Variants in NECTIN2 observed in about 807,000 individuals in gnomAD.
The protein encoded by NECTIN2 is nectin cell adhesion molecule 2, also known as nectin-2.
In NECTIN2, 23 loss-of-function variants were observed where a neutral mutation model predicts 56.9. The ratio of observed to expected loss-of-function variants is 0.40; its 90% confidence interval spans 0.29 to 0.57. NECTIN2 has a LOEUF of 0.57. Among genes scored for constraint, NECTIN2 ranks in the 20% least tolerant of loss-of-function variants. The pLI, the probability that NECTIN2 is intolerant of heterozygous loss-of-function variation, is 0.38. For synonymous variants in NECTIN2, 302 were observed against 313.8 expected (o/e 0.96, Z 0.40); for missense variants, 587 against 718.3 (o/e 0.82, Z 2.09).
chr19:44,889,205 A>C lies in NECTIN2; in HGVS notation c.*826A>C, dbSNP rs1969393769. ...TTTTGTAAACTACATTTCCTACAAAATATGAATTTATACTTTGACCAGGTC... is the reference window on the plus strand; with the variant it reads ...TTTTGTAAACTACATTTCCTACAAACTATGAATTTATACTTTGACCAGGTC... On this transcript the variant is annotated 3_prime_UTR_variant, in exon 9 of 9. Transcript: ENST00000252483. The C allele has an allele frequency of 6.6e-6, 1 of 152,264 alleles. No homozygotes were observed. The highest frequency in any genetic ancestry group is 1.5e-5 in the Non-Finnish European group (1 of 68,050). 9.4% of individuals were successfully genotyped at this position (152,264 alleles called of 1,614,324 possible). A position where few individuals can be genotyped will look rare whatever the true frequency, so the allele number is the denominator to read the frequency against.
At chr19:44,876,373 A>C (rs1331573069) in intron 5 of NECTIN2, among the ~76,000 whole-genome samples, 14 of 152,160 alleles carry the variant, frequency 9.2e-5, no homozygotes, top group Non-Finnish European at 1.6e-4. Flanking sequence ...GAGCCTGCAG[A>C]ACACAGACGC....
chr19:44,864,764 C>T (rs1290374699), intron 1 of NECTIN2, among the ~76,000 whole-genome samples: 1 of 151,842 alleles, frequency 6.6e-6, no homozygotes, highest in African/African-American at 2.4e-5. Flanking sequence ...GGAGGCGGAG[C>T]TTGCAGTGAG....
chr19:44,862,606 A>G (rs1490084404), intron 1 of NECTIN2, among the ~76,000 whole-genome samples: 2 of 152,142 alleles, frequency 1.3e-5, no homozygotes, highest in African/African-American at 4.8e-5. Context: ...AAAGTCAAAT[A>G]CCACATGTTC....
chr19:44,871,511 G>C (rs1222413091), intron 2 of NECTIN2, among the ~76,000 whole-genome samples: 6 of 152,126 alleles, frequency 3.9e-5, no homozygotes, highest in Admixed American at 6.5e-5. Context: ...CCAGGTGACA[G>C]AGCGGGCCCC....
intron 3 of NECTIN2, among the ~76,000 whole-genome samples, chr19:44,872,588 T>C (rs1308660051): frequency 6.6e-6 from 1 of 152,026 alleles, no homozygotes; most frequent in Non-Finnish European, 1.5e-5. Flanking sequence ...CTGGCTCCCA[T>C]GGACCCCGGT....
At position 44,882,318 on chromosome 19, in the gene NECTIN2, C is replaced by A; in HGVS notation, c.1150C>A (p.Gln384Lys). 6.5e-7 allele frequency: 1 copy of A among 1,546,480 alleles called. No individual in the cohort carries two copies. Among genetic ancestry groups the A allele is most frequent in the Non-Finnish European group, 8.7e-7 (1 of 1,145,374 alleles). ...TGCCACGGGCATCCTTATCTGCCGG[C>A]AGCAGCGGAAGGAGCAGACGCTGCA... ...VAATGILICR[Q>K]QRKEQTLQGA... is the part of the protein sequence containing the mutation. Residue 384 changes from glutamine to lysine, a missense_variant, in exon 6 of 9, where the codon CAG becomes AAG. Physicochemically the swap from Gln to Lys is moderately conservative, Grantham distance 53. Coordinates refer to ENST00000252483, the MANE Select transcript of NECTIN2 (RefSeq NM_001042724.2).
At chr19:44,881,524 A>T (rs1246167199) in intron 5 of NECTIN2, among the ~76,000 whole-genome samples, 1,232 of 54,850 alleles carry the variant, frequency 0.022, 9 homozygotes, top group Middle Eastern at 0.14. Context: ...AAAAAAATTC[A>T]AAAAAAAAAA....
At position 44,855,699 on chromosome 19, in the gene NECTIN2, ACCTGATTTGT is replaced by A. The variant is rs145554711; in HGVS notation, c.88+9091_88+9100del. 2.5e-4 allele frequency among the ~76,000 whole-genome samples: 38 copies of A among 152,214 alleles called. No individual in the cohort carries two copies. The East Asian group carries it at 7.2e-3, about 29-fold the overall frequency. ...TGGATGTCAACCCTGGAAAACAAGCACCTGATTTGTCCTGTTACTTCTGCAGCATCCACAC... is the reference window on the plus strand; with the variant it reads ...TGGATGTCAACCCTGGAAAACAAGCACCTGTTACTTCTGCAGCATCCACAC... On this transcript the variant is annotated intron_variant, in intron 1 of 8. Transcript: ENST00000252483.
chr19:44,854,794 C>G (rs1968944193), intron 1 of NECTIN2, among the ~76,000 whole-genome samples: 1 of 151,346 alleles, frequency 6.6e-6, no homozygotes, highest in African/African-American at 2.4e-5. Flanking sequence ...GCCCGGGCAA[C>G]AGAGTGAGAC....
chr19:44,853,752 G>A (rs1037272624), intron 1 of NECTIN2, among the ~76,000 whole-genome samples: 20 of 152,204 alleles, frequency 1.3e-4, no homozygotes, highest in Admixed American at 1.3e-3. Flanking sequence ...CTCCCAAAGT[G>A]TTGGAATTAC....
chr19:44,853,322 G>A (rs961863010), intron 1 of NECTIN2, among the ~76,000 whole-genome samples: 7 of 151,810 alleles, frequency 4.6e-5, no homozygotes, highest in Non-Finnish European at 7.4e-5. Flanking sequence ...TCAGCCTCCC[G>A]AGTAGCTGGG....
At chr19:44,878,190 C>G in intron 5 of NECTIN2, 1 of 634,436 alleles carries the variant, frequency 1.6e-6, no homozygotes, top group South Asian at 1.9e-5. Flanking sequence ...CTCCCTTTCT[C>G]TCTCTCTCAC....
intron 1 of NECTIN2, among the ~76,000 whole-genome samples, chr19:44,846,818 C>T (rs892847770): frequency 6.6e-6 from 1 of 151,310 alleles, no homozygotes; most frequent in Non-Finnish European, 1.5e-5. Context: ...TTCTGCATCT[C>T]TCTCACCACC....
intron 1 of NECTIN2, among the ~76,000 whole-genome samples, chr19:44,864,852 G>C (rs1969078613): frequency 6.6e-6 from 1 of 152,000 alleles, no homozygotes; most frequent in Non-Finnish European, 1.5e-5. Context: ...GAATGGCCTG[G>C]AGCCTCCCTC....
In NECTIN2 at chr19:44,852,253, A is replaced by G. The variant is rs144422957; in HGVS notation, c.88+5640A>G. Among the ~76,000 whole-genome samples, 657 of 151,954 alleles carry G rather than the reference A, an allele frequency of 4.3e-3. 2 individuals carry two copies. The highest frequency in any genetic ancestry group is 0.015 in the African/African-American group (619 of 41,440). On this transcript the variant is annotated intron_variant, in intron 1 of 8. Coordinates refer to ENST00000252483, the MANE Select transcript of NECTIN2 (RefSeq NM_001042724.2). ...CAACCTCCGCCTCCCAGGTTCAAGC[A>G]ATTCTTGTGCCTCAGCCTCCCAAGT...
Position 44,865,418 on chromosome 19 carries a change from A to C in NECTIN2, c.236A>C (p.His79Pro). ...CAGCGCCCAGATGCACCTGCGAACC[A>C]CCAGAATGTGGCCGCCTTCCACCCT... ...TWQRPDAPAN[H>P]QNVAAFHPKM... The change falls in exon 2 of 9, where the codon CAC becomes CCC. Residue 79 changes from histidine (H) to proline (P), a missense_variant. His to Pro is a moderately conservative substitution (Grantham distance 77). Transcript: ENST00000252483. This position sits in a 1 kb window ranked among gnomAD's most constrained non-coding sequence, Gnocchi z 5.2. The C allele has an allele frequency of 6.2e-7, 1 of 1,614,066 alleles. No individual in the cohort carries two copies. Among genetic ancestry groups the C allele is most frequent in the Non-Finnish European group, 8.5e-7 (1 of 1,180,006 alleles).
At chr19:44,878,603 C>T (rs144454647) in intron 5 of NECTIN2, 1,128 of 1,601,628 alleles carry the variant, frequency 7.0e-4, no homozygotes, top group East Asian at 1.5e-3. Context: ...CATCTCACGG[C>T]GGGCAGTTTA....
Position 44,874,370 on chromosome 19 carries a change from T to C in NECTIN2, c.934T>C (p.Ser312Pro). Reference sequence around the variant, plus strand: ...CCCGACCTCCGCAGTGGCCCAGGGCTCCCAGCTGGTCATCCACGCAGTGGA... The same window carrying C: ...CCCGACCTCCGCAGTGGCCCAGGGCCCCCAGCTGGTCATCCACGCAGTGGA... ...TFPTSAVAQG[S>P]QLVIHAVDSL... Residue 312 changes from serine to proline, a missense_variant, in exon 5 of 9, where the codon TCC (serine) becomes CCC (proline). By Grantham distance (74) the Ser-to-Pro change is moderately conservative (BLOSUM62 -1). Coordinates refer to ENST00000252483, the MANE Select transcript of NECTIN2 (RefSeq NM_001042724.2). This position sits in a 1 kb window ranked among gnomAD's most constrained non-coding sequence, Gnocchi z 6.3. 6.2e-7 allele frequency: 1 copy of C among 1,614,142 alleles called. No homozygotes were observed. The highest frequency in any genetic ancestry group is 8.5e-7 in the Non-Finnish European group (1 of 1,180,016).
intron 8 of NECTIN2, among the ~76,000 whole-genome samples, chr19:44,886,716 C>T (rs1195059044): frequency 1.3e-5 from 2 of 148,662 alleles, no homozygotes; most frequent in African/African-American, 2.5e-5. Flanking sequence ...AGCAAGATTC[C>T]GTCTCAAAAA....
Sources: gnomAD v4.1 joint callset for allele counts (sites outside exome capture counted in the v4.1 genomes callset) on GRCh38, gnomAD v4.1.1 for gene constraint, Gnocchi (gnomAD v3.1) non-coding constraint, MANE v1.5 for transcripts, NCBI Gene and HGNC (gene_info 2026-07-23, HGNC 2026-07-21) for gene names.